Variants in SMCO4 observed in about 807,000 individuals in gnomAD.
SMCO4 encodes the protein single-pass membrane and coiled-coil domain-containing protein 4.
In SMCO4, 4 loss-of-function variants were observed where a neutral mutation model predicts 3.6. That is an observed-to-expected ratio of 1.11 (90% CI 0.54 to 2.53). SMCO4 has a LOEUF of 2.53. Ranked by LOEUF, SMCO4 falls within the 30% of genes most tolerant of loss-of-function variation. The pLI, the probability that SMCO4 is intolerant of heterozygous loss-of-function variation, is 0.02. For missense variants in SMCO4, 70 were observed against 80.8 expected (o/e 0.87, Z 0.51); for synonymous variants, 36 against 35.3 (o/e 1.02, Z -0.07).
intron 1 of SMCO4, among the ~76,000 whole-genome samples, chr11:93,526,855 C>T (rs1263183485): frequency 6.6e-6 from 1 of 152,190 alleles, no homozygotes; most frequent in Non-Finnish European, 1.5e-5. Context: ...ACAATCAGGA[C>T]TAAAGTACAG....
chr11:93,514,266 A>G (rs1397216839), intron 1 of SMCO4, among the ~76,000 whole-genome samples: 3 of 151,582 alleles, frequency 2.0e-5, no homozygotes, highest in Non-Finnish European at 4.4e-5. Context: ...AGAAAATGCT[A>G]AACTCTGGAA....
chr11:93,484,476 C>T (rs1456475562), intron 2 of SMCO4, among the ~76,000 whole-genome samples: 2 of 152,144 alleles, frequency 1.3e-5, no homozygotes, highest in Non-Finnish European at 2.9e-5. Context: ...GGACAAGGTA[C>T]TAAATCTCTC....
chr11:93,522,801 C>T (rs1356457529), intron 1 of SMCO4, among the ~76,000 whole-genome samples: 1 of 152,180 alleles, frequency 6.6e-6, no homozygotes, highest in African/African-American at 2.4e-5. Flanking sequence ...TCAAAAACCA[C>T]ACCTTGCAAA....
At chr11:93,500,761 G>C (rs184434905) in intron 1 of SMCO4, among the ~76,000 whole-genome samples, 497 of 152,312 alleles carry the variant, frequency 3.3e-3, no homozygotes, top group Non-Finnish European at 4.9e-3. Flanking sequence ...TGAGTTAGAG[G>C]GTCTATAAAG....
intron 1 of SMCO4, among the ~76,000 whole-genome samples, chr11:93,534,671 TC>T (rs986698696): frequency 5.9e-5 from 9 of 152,156 alleles, no homozygotes; most frequent in East Asian, 1.9e-4. Flanking sequence ...TCCCAAGGGT[TC>T]CCCCTCCACC....
chr11:93,533,877 T>C (rs571063397), intron 1 of SMCO4, among the ~76,000 whole-genome samples: 1 of 152,302 alleles, frequency 6.6e-6, no homozygotes, highest in East Asian at 1.9e-4. Context: ...AAATATGATA[T>C]GTAGTCACTC....
At chr11:93,487,017 T>C (rs1409767349) in intron 2 of SMCO4, among the ~76,000 whole-genome samples, 1 of 152,172 alleles carries the variant, frequency 6.6e-6, no homozygotes, top group Admixed American at 6.6e-5. Flanking sequence ...TTCTTGTAAC[T>C]GTGTCATTAT....
At chr11:93,520,948 C>A (rs1949051836) in intron 1 of SMCO4, among the ~76,000 whole-genome samples, 1 of 152,218 alleles carries the variant, frequency 6.6e-6, no homozygotes. Flanking sequence ...CTTGGAGTTT[C>A]CACTAAAATT....
At position 93,478,536 on chromosome 11, in the gene SMCO4, T is replaced by C. The variant is rs1017577958; in HGVS notation, c.*474A>G. The C allele has an allele frequency of 6.5e-6, 1 of 153,188 alleles. No individual in the cohort carries two copies. The highest frequency in any genetic ancestry group is 1.5e-5 in the Non-Finnish European group (1 of 68,780). The allele number at this position is 153,188 out of a possible 1,614,324, so 9.5% of individuals were successfully genotyped here. A position where few individuals can be genotyped will look rare whatever the true frequency, so the allele number is the denominator to read the frequency against. On this transcript the variant is annotated 3_prime_UTR_variant, in exon 3 of 3. Transcript: ENST00000298966. ...TCACTTTGATTCAACATATTTCAAA[T>C]CACATTAAGCACAGAGAAGAAATAC...
At chr11:93,494,296 A>G (rs1948751230) in intron 2 of SMCO4, among the ~76,000 whole-genome samples, 1 of 152,246 alleles carries the variant, frequency 6.6e-6, no homozygotes, top group Non-Finnish European at 1.5e-5. Flanking sequence ...TCTAGTTATC[A>G]TAAACTTTGA....
At chr11:93,525,876 A>G (rs1044518999) in intron 1 of SMCO4, among the ~76,000 whole-genome samples, 1 of 152,196 alleles carries the variant, frequency 6.6e-6, no homozygotes, top group Non-Finnish European at 1.5e-5. Flanking sequence ...AACAGTGATG[A>G]CTCAAGAAAT....
At chr11:93,528,503 C>A (rs1025908209) in intron 1 of SMCO4, among the ~76,000 whole-genome samples, 1 of 152,166 alleles carries the variant, frequency 6.6e-6, no homozygotes, top group Non-Finnish European at 1.5e-5. Flanking sequence ...GCCAGACAGG[C>A]CATCAGGGAG....
intron 1 of SMCO4, among the ~76,000 whole-genome samples, chr11:93,538,165 G>A (rs1421240152): frequency 6.6e-6 from 1 of 152,200 alleles, no homozygotes; most frequent in African/African-American, 2.4e-5. Context: ...TCATCTCCTT[G>A]GGCTCTGATG....
intron 2 of SMCO4, among the ~76,000 whole-genome samples, chr11:93,492,598 G>T (rs1227914742): frequency 6.6e-6 from 1 of 152,234 alleles, no homozygotes; most frequent in Admixed American, 6.5e-5. Flanking sequence ...CTCTGTGACT[G>T]GAGAGCAGAG....
chr11:93,509,817 G>A (rs1226165339), intron 1 of SMCO4, among the ~76,000 whole-genome samples: 1 of 152,136 alleles, frequency 6.6e-6, no homozygotes, highest in Non-Finnish European at 1.5e-5. Context: ...TGGGGACTTG[G>A]TGGGGAAAGG....
intron 1 of SMCO4, chr11:93,537,825 C>T (rs1018037688): frequency 6.6e-6 from 1 of 151,880 alleles, no homozygotes; most frequent in Admixed American, 6.6e-5. Context: ...GGTGAGCAGA[C>T]TCTTGCACGG....
intron 1 of SMCO4, among the ~76,000 whole-genome samples, chr11:93,516,826 A>G (rs1404669345): frequency 1.3e-5 from 2 of 152,126 alleles, no homozygotes; most frequent in African/African-American, 4.8e-5. Flanking sequence ...AGAGAGAGAG[A>G]TCTACATACC....
intron 1 of SMCO4, among the ~76,000 whole-genome samples, chr11:93,501,069 G>A (rs554538701): frequency 6.6e-6 from 1 of 152,314 alleles, no homozygotes; most frequent in East Asian, 1.9e-4. Flanking sequence ...GGCACCTGCT[G>A]CTCGTCCCAG....
intron 1 of SMCO4, among the ~76,000 whole-genome samples, chr11:93,524,628 T>C (rs761671640): frequency 1.3e-5 from 2 of 152,002 alleles, no homozygotes; most frequent in African/African-American, 4.8e-5. Context: ...CCCCTGGAAG[T>C]AGCTTATGGG....
Sources: allele counts gnomAD v4.1 joint callset (sites outside exome capture counted in the v4.1 genomes callset), GRCh38; gene constraint gnomAD v4.1.1; transcripts MANE v1.5; gene names NCBI Gene and HGNC (gene_info 2026-07-23, HGNC 2026-07-21).